The following TMEM185A variants were observed in gnomAD, a reference collection of about 807,000 sequenced individuals.
TMEM185A encodes transmembrane protein 185A.
TMEM185A carries 9 observed loss-of-function variants against 25.0 expected under a neutral mutation model. That is an observed-to-expected ratio of 0.36 (90% CI 0.22 to 0.63). TMEM185A has a LOEUF of 0.63. Among genes scored for constraint, TMEM185A ranks in the 20% least tolerant of loss-of-function variants. The probability of loss-of-function intolerance (pLI) is 0.68; values close to 1 mark genes in which losing one functional copy is unlikely to be tolerated. For missense variants in TMEM185A, 103 were observed against 237.4 expected (o/e 0.43, Z 3.72); for synonymous variants, 45 against 93.5 (o/e 0.48, Z 2.99).
intron 3 of TMEM185A, 141 bp from the exon 4 acceptor site, chrX:149,604,211 A>AT: frequency 2.3e-6 from 1 of 433,720 alleles, no homozygotes; most frequent in Non-Finnish European, 3.9e-6. Context: ...GAAACTCCTG[A>AT]TTTTCGGTAC....
At chrX:149,608,885 T>C (rs2090067157) in intron 2 of TMEM185A, 51 bp from the exon 3 acceptor site, 2 of 1,092,317 alleles carry the variant, frequency 1.8e-6, no homozygotes, top group Non-Finnish European at 2.5e-6. Flanking sequence ...ATCTCCACTA[T>C]AAGCAAGCAG....
At chrX:149,614,385 T>C (rs1005953818) in intron 1 of TMEM185A, among the ~76,000 whole-genome samples, 6 of 111,581 alleles carry the variant, frequency 5.4e-5, no homozygotes, top group Non-Finnish European at 9.4e-5. Context: ...AAAAACACAA[T>C]ATACCAAAAT....
intron 1 of TMEM185A, among the ~76,000 whole-genome samples, chrX:149,621,118 T>C (rs1440425443): frequency 1.8e-5 from 2 of 111,548 alleles, no homozygotes; most frequent in Non-Finnish European, 3.8e-5. Flanking sequence ...CATTAACAAA[T>C]GCTAAGATAA....
intron 3 of TMEM185A, among the ~76,000 whole-genome samples, 173 bp from the exon 4 acceptor site, chrX:149,604,243 T>C (rs1426193969): frequency 3.7e-5 from 4 of 109,252 alleles, no homozygotes; most frequent in African/African-American, 1.4e-4. Context: ...AGCAGTATTA[T>C]GGCAAGGGGA....
intron 3 of TMEM185A, 76 bp from the exon 4 acceptor site, chrX:149,604,146 A>G: frequency 4.5e-6 from 3 of 659,360 alleles, no homozygotes; most frequent in Non-Finnish European, 2.4e-6. Context: ...TTAACACACT[A>G]AAAGACAATA....
intron 2 of TMEM185A, among the ~76,000 whole-genome samples, chrX:149,610,025 C>T (rs1248690922): frequency 9.0e-6 from 1 of 111,605 alleles, no homozygotes; most frequent in South Asian, 3.8e-4. Context: ...CATGAATGTC[C>T]CTCACCTGCC....
intron 1 of TMEM185A, among the ~76,000 whole-genome samples, chrX:149,622,896 A>G (rs1263129730): frequency 5.4e-5 from 6 of 112,001 alleles, no homozygotes; most frequent in African/African-American, 1.9e-4. Context: ...TTTATTTATT[A>G]TGGATACAAA....
intron 1 of TMEM185A, among the ~76,000 whole-genome samples, chrX:149,617,819 G>A (rs957568134): frequency 1.8e-5 from 2 of 111,895 alleles, no homozygotes; most frequent in African/African-American, 3.2e-5. Context: ...TGATATATCC[G>A]TTCAATGGAA....
rs190735357 is a variant in TMEM185A, at chrX:149,611,953, C to A, written c.39-490G>T. 5.3e-5 allele frequency among the ~76,000 whole-genome samples: 6 copies of A among 112,397 alleles called. No homozygotes were observed. In the Admixed American group the frequency reaches 5.6e-4, roughly 11 times the overall value. ...GGTCAAGTTCTATCACTAACTGATT[C>A]TATTTCTAAAAAGGCAGCCATCTGT... On this transcript the variant is annotated intron_variant, in intron 1 of 6. Coordinates refer to ENST00000600449, the MANE Select transcript of TMEM185A (RefSeq NM_032508.4).
chrX:149,613,869 G>C (rs1361518450), intron 1 of TMEM185A, among the ~76,000 whole-genome samples: 1 of 112,173 alleles, frequency 8.9e-6, no homozygotes, highest in Non-Finnish European at 1.9e-5. Context: ...AATAGAGGTA[G>C]TTCATAATGA....
chrX:149,624,502 G>T (rs906975689), intron 1 of TMEM185A, among the ~76,000 whole-genome samples: 2 of 111,931 alleles, frequency 1.8e-5, no homozygotes, highest in Non-Finnish European at 3.8e-5. Context: ...AGTGGAAGCT[G>T]CTGGCTTCAC....
intron 2 of TMEM185A, among the ~76,000 whole-genome samples, chrX:149,609,752 C>G (rs2124211700): frequency 8.9e-6 from 1 of 112,407 alleles, no homozygotes; most frequent in East Asian, 2.8e-4. Context: ...ATGAGAATGA[C>G]CACGCCTGTA....
intron 1 of TMEM185A, among the ~76,000 whole-genome samples, chrX:149,616,046 G>T (rs1569561020): frequency 9.0e-6 from 1 of 111,603 alleles, no homozygotes. Context: ...TTTTATAAGG[G>T]CACTAGTTCC....
chrX:149,622,390 G>A (rs1169668311), intron 1 of TMEM185A, among the ~76,000 whole-genome samples: 1 of 111,058 alleles, frequency 9.0e-6, no homozygotes, highest in Non-Finnish European at 1.9e-5. Context: ...AGATAAAACA[G>A]ACAAAGTTCC....
chrX:149,618,757 A>C (rs12116190), intron 1 of TMEM185A, among the ~76,000 whole-genome samples: 3,732 of 112,014 alleles, frequency 0.033, 155 homozygotes, highest in African/African-American at 0.11. Context: ...TACTAACATA[A>C]ATAACATTAT....
chrX:149,606,528 T>C (rs1557353523), intron 3 of TMEM185A, among the ~76,000 whole-genome samples: 1 of 112,266 alleles, frequency 8.9e-6, no homozygotes, highest in South Asian at 3.7e-4. Context: ...TCTTCTCAAC[T>C]CCCACAGTTC....
intron 1 of TMEM185A, among the ~76,000 whole-genome samples, chrX:149,614,293 T>C (rs2090099880): frequency 8.9e-6 from 1 of 111,859 alleles, no homozygotes; most frequent in Non-Finnish European, 1.9e-5. Flanking sequence ...CTCAAAATAC[T>C]TGAAAATTAA....
At position 149,620,963 on chromosome X, in the gene TMEM185A, TTC is replaced by T. The variant is rs782437450; in HGVS notation, c.39-9502_39-9501del. ...TACACAATTAGTAGAGGCAGAAGTT[TTC>T]TCTCTTAAAGCAGAGGGAAATATTC... On this transcript the variant is annotated intron_variant, in intron 1 of 6. Coordinates refer to ENST00000600449, the MANE Select transcript of TMEM185A (RefSeq NM_032508.4). Among the ~76,000 whole-genome samples, 10 of 112,064 alleles carry T rather than the reference TTC, an allele frequency of 8.9e-5. No individual in the cohort carries two copies. In the South Asian group the frequency reaches 3.7e-3, roughly 41 times the overall value.
At chrX:149,621,218 T>C (rs998717756) in intron 1 of TMEM185A, among the ~76,000 whole-genome samples, 1 of 100,492 alleles carries the variant, frequency 1.0e-5, no homozygotes, top group Non-Finnish European at 1.9e-5. Context: ...AAAAGTAAAT[T>C]GGTGGGGGGG....
Sources: gnomAD v4.1 joint callset for allele counts (sites outside exome capture counted in the v4.1 genomes callset) on GRCh38, gnomAD v4.1.1 for gene constraint, MANE v1.5 for transcripts, NCBI Gene and HGNC (gene_info 2026-07-23, HGNC 2026-07-21) for gene names.